ZNF519: variants seen among roughly 807,000 people sequenced by gnomAD.
The protein encoded by ZNF519 is zinc finger protein 519.
In ZNF519, 7 loss-of-function variants were observed where a neutral mutation model predicts 7.4. That is an observed-to-expected ratio of 0.94 (90% CI 0.54 to 1.77). The LOEUF (loss-of-function observed/expected upper bound fraction) is 1.77. ZNF519 is among the 40% of genes most tolerant of loss of function. ZNF519 has a pLI of 0.00. For synonymous variants in ZNF519, 179 were observed against 203.3 expected, an observed-to-expected ratio of 0.88 and a Z score of 1.02; for missense variants, 586 against 623.1, an observed-to-expected ratio of 0.94 and a Z score of 0.63.
In ZNF519 at chr18:14,108,938, A is replaced by AAAC. The variant is rs531091595; in HGVS notation, c.131-2532_131-2530dup. On this transcript the variant is annotated intron_variant, in intron 2 of 2. Transcript: ENST00000590202. ...AAACCCCATCTCTACTAAAAATACA[A>AAAC]AACAACAACAACAACAAAATTATCC... Among the ~76,000 whole-genome samples the AAAC allele has an allele frequency of 7.6e-4, 116 of 151,984 alleles. 1 individual carries two copies. The highest frequency in any genetic ancestry group is 2.6e-3 in the African/African-American group (108 of 41,434).
At chr18:14,108,390 A>G (rs1482381987) in intron 2 of ZNF519, among the ~76,000 whole-genome samples, 1 of 152,134 alleles carries the variant, frequency 6.6e-6, no homozygotes, top group Non-Finnish European at 1.5e-5. Flanking sequence ...GCCTTTTCCA[A>G]GTCCACCCAT....
At chr18:14,076,539 A>G (rs1347298484) in exon 5 of ZNF519, 1 of 152,218 alleles carries the variant, frequency 6.6e-6, no homozygotes, top group Non-Finnish European at 1.5e-5. Context: ...TATGGAGAAA[A>G]TTAGTATTTG....
chr18:14,093,301 G>A (rs2046121735), intron 2 of ZNF519, among the ~76,000 whole-genome samples: 2 of 152,032 alleles, frequency 1.3e-5, no homozygotes, highest in Admixed American at 6.6e-5. Context: ...CCATCCTGCC[G>A]CTTTCTCCTT....
At chr18:14,080,533 G>A (rs376694162) in intron 3 of ZNF519, among the ~76,000 whole-genome samples, 30 of 152,098 alleles carry the variant, frequency 2.0e-4, no homozygotes, top group African/African-American at 7.0e-4. Context: ...TGTTGGCCAG[G>A]ATGGTCTCGA....
intron 3 of ZNF519, among the ~76,000 whole-genome samples, chr18:14,084,710 C>T (rs2046083021): frequency 6.6e-6 from 1 of 152,156 alleles, no homozygotes; most frequent in Non-Finnish European, 1.5e-5. Context: ...AGGCCTGGTG[C>T]TCCTCCTCAT....
intron 2 of ZNF519, among the ~76,000 whole-genome samples, chr18:14,094,383 C>CT (rs1424100863): frequency 3.3e-5 from 5 of 152,170 alleles, no homozygotes; most frequent in Non-Finnish European, 5.9e-5. Flanking sequence ...ATAAAACCGG[C>CT]TTTTTCCTTT....
intron 2 of ZNF519, among the ~76,000 whole-genome samples, chr18:14,120,898 G>A (rs1567953844): frequency 6.6e-6 from 1 of 152,014 alleles, no homozygotes; most frequent in Non-Finnish European, 1.5e-5. Context: ...TTAGCACCTT[G>A]AAGAAGTATC....
At chr18:14,082,272 G>A (rs1321444254) in intron 3 of ZNF519, 1 of 152,070 alleles carries the variant, frequency 6.6e-6, no homozygotes, top group African/African-American at 2.4e-5. Context: ...TAATAAGCAT[G>A]CTGAACAGCA....
Position 14,104,493 on chromosome 18 carries a change from A to G in ZNF519, c.*424T>C, listed in dbSNP as rs2046177682. On this transcript the variant is annotated 3_prime_UTR_variant, in exon 3 of 3. Coordinates refer to ENST00000590202, the MANE Select transcript of ZNF519 (RefSeq NM_145287.4). ...GTGAATGATGCCTACCTAACGTAGAAGGGACTCTCATGTCAGAGACAGCAA... is the reference window on the plus strand; with the variant it reads ...GTGAATGATGCCTACCTAACGTAGAGGGGACTCTCATGTCAGAGACAGCAA... 1 of 157,024 alleles carries G rather than the reference A, an allele frequency of 6.4e-6. No homozygotes were observed. 9.7% of individuals were successfully genotyped at this position (157,024 alleles called of 1,614,324 possible).
At chr18:14,127,398 G>A (rs2046305848) in intron 1 of ZNF519, among the ~76,000 whole-genome samples, 2 of 152,126 alleles carry the variant, frequency 1.3e-5, no homozygotes, top group Admixed American at 1.3e-4. Context: ...GCTTTTATGT[G>A]CAGATTCTAG....
chr18:14,072,118 T>A (rs938747380), downstream of ZNF519: 2 of 152,210 alleles, frequency 1.3e-5, no homozygotes, highest in African/African-American at 4.8e-5. Flanking sequence ...AGACTAAATA[T>A]CTTATGTGGT....
intron 3 of ZNF519, among the ~76,000 whole-genome samples, chr18:14,083,209 G>A (rs11080719): frequency 0.029 from 4,398 of 152,178 alleles, 219 homozygotes; most frequent in African/African-American, 0.1. Flanking sequence ...AATCAGCCGG[G>A]CGTGGTGATG....
exon 3 of ZNF519, chr18:14,085,061 C>T (rs2046084807): frequency 6.6e-6 from 1 of 151,464 alleles, no homozygotes; most frequent in African/African-American, 2.4e-5. Context: ...TGGTCAAAGA[C>T]AATCTCGCTT....
chr18:14,084,832 T>C (rs1299051717), intron 3 of ZNF519: 1 of 152,132 alleles, frequency 6.6e-6, no homozygotes, highest in South Asian at 2.1e-4. Flanking sequence ...AGAGAAAGTA[T>C]TCTGGAAAAC....
exon 5 of ZNF519, chr18:14,076,811 A>G (rs1337153563): frequency 6.6e-6 from 1 of 152,136 alleles, no homozygotes; most frequent in African/African-American, 2.4e-5. Context: ...CAGAAAAGTT[A>G]CCCTTCTTTA....
chr18:14,122,854 T>C (rs2046276492), intron 2 of ZNF519, among the ~76,000 whole-genome samples: 2 of 151,988 alleles, frequency 1.3e-5, no homozygotes, highest in African/African-American at 4.8e-5. Context: ...TACGTATACA[T>C]GTGCCATGTT....
chr18:14,099,589 A>AC (rs2046150963), downstream of ZNF519, among the ~76,000 whole-genome samples: 1 of 152,224 alleles, frequency 6.6e-6, no homozygotes. Context: ...TATTAAATAT[A>AC]CAAGAGATGT....
chr18:14,076,963 G>A (rs937086139), exon 5 of ZNF519: 1 of 152,054 alleles, frequency 6.6e-6, no homozygotes, highest in Non-Finnish European at 1.5e-5. Context: ...AACAGAATAA[G>A]GTAATTCAAT....
At chr18:14,129,193 G>A (rs2046317329) in intron 1 of ZNF519, among the ~76,000 whole-genome samples, 1 of 152,222 alleles carries the variant, frequency 6.6e-6, no homozygotes, top group South Asian at 2.1e-4. Context: ...AGAAACCTGG[G>A]TTGGTGAAAA....
Sources: allele counts gnomAD v4.1 joint callset (sites outside exome capture counted in the v4.1 genomes callset), GRCh38; gene constraint gnomAD v4.1.1; transcripts MANE v1.5; gene names NCBI Gene and HGNC (gene_info 2026-07-23, HGNC 2026-07-21).